Variants in TRMT9B observed in about 807,000 individuals in gnomAD.
TRMT9B encodes the protein probable tRNA methyltransferase 9B.
Under a neutral mutation model 11.5 loss-of-function variants are expected in TRMT9B, and 16 were observed. The ratio of observed to expected loss-of-function variants is 1.39; its 90% CI spans 0.94 to 2.11. TRMT9B has a LOEUF of 2.11. TRMT9B is among the 30% of genes most tolerant of loss of function. TRMT9B has a pLI of 0.00. For synonymous variants in TRMT9B, 274 were observed against 192.4 expected (o/e 1.42, Z -3.51); for missense variants, 941 against 553.8 (o/e 1.70, Z -7.02).
chr8:12,982,495 C>G (rs1281973404), intron 1 of TRMT9B, among the ~76,000 whole-genome samples: 1 of 152,086 alleles, frequency 6.6e-6, no homozygotes, highest in Non-Finnish European at 1.5e-5. Flanking sequence ...AACCCCGTCT[C>G]TACTAAAAAT....
At chr8:13,020,422 C>G (rs1230932837) in intron 4 of TRMT9B, among the ~76,000 whole-genome samples, 1 of 152,146 alleles carries the variant, frequency 6.6e-6, no homozygotes, top group Non-Finnish European at 1.5e-5. Flanking sequence ...ATGATGTATA[C>G]ATTGATTTTT....
intron 1 of TRMT9B, among the ~76,000 whole-genome samples, chr8:12,973,731 C>G (rs7009006): frequency 0.11 from 16,881 of 152,134 alleles, 941 homozygotes; most frequent in African/African-American, 0.12. Flanking sequence ...GGTGAAAGGA[C>G]TTCAGCCATA....
rs1814960692 is a variant in TRMT9B, at chr8:13,028,453, G to T, written c.*6409G>T. ...ATATTACCTCCACATTGAAAAACGA[G>T]TGAGTCACTGCAGTTAAGCCAGTGT... On this transcript the variant is annotated 3_prime_UTR_variant, in exon 5 of 5. Transcript: ENST00000524591. 2 of 166,996 alleles carry T rather than the reference G, an allele frequency of 1.2e-5. No individual in the cohort carries two copies. Among genetic ancestry groups the T allele is most frequent in the African/African-American group, 4.8e-5 (2 of 41,432 alleles). The allele number at this position is 166,996 out of a possible 1,614,324, so 10.3% of individuals were successfully genotyped here.
intron 1 of TRMT9B, among the ~76,000 whole-genome samples, chr8:12,972,115 T>G (rs1803730296): frequency 6.6e-6 from 1 of 152,124 alleles, no homozygotes; most frequent in Non-Finnish European, 1.5e-5. Context: ...TATAAGGAAT[T>G]GATTAGACAG....
At chr8:12,956,853 A>G (rs1010911976) in intron 1 of TRMT9B, among the ~76,000 whole-genome samples, 6 of 152,170 alleles carry the variant, frequency 3.9e-5, no homozygotes, top group African/African-American at 1.4e-4. Flanking sequence ...CTTTTTTTCC[A>G]AACTATTGAA....
At chr8:13,016,614 T>C (rs1812760782) in intron 4 of TRMT9B, among the ~76,000 whole-genome samples, 1 of 151,748 alleles carries the variant, frequency 6.6e-6, no homozygotes, top group African/African-American at 2.4e-5. Context: ...TTTATTGGCA[T>C]ATTAGAAAAA....
intron 2 of TRMT9B, among the ~76,000 whole-genome samples, chr8:12,997,764 TA>T (rs1808628013): frequency 6.6e-6 from 1 of 152,220 alleles, no homozygotes; most frequent in Non-Finnish European, 1.5e-5. Flanking sequence ...TATATACTTT[TA>T]AGAGTGGGGT....
At chr8:13,017,171 T>TA (rs907391864) in intron 4 of TRMT9B, among the ~76,000 whole-genome samples, 11 of 151,922 alleles carry the variant, frequency 7.2e-5, no homozygotes, top group Non-Finnish European at 1.2e-4. Flanking sequence ...TACTGATGTT[T>TA]AAAAAAAATC....
At chr8:12,991,423 TA>T (rs1283528272) in intron 2 of TRMT9B, among the ~76,000 whole-genome samples, 1 of 152,248 alleles carries the variant, frequency 6.6e-6, no homozygotes, top group Non-Finnish European at 1.5e-5. Flanking sequence ...AGGTCTTTTT[TA>T]TAATGTAAGT....
chr8:13,021,935 A>G lies in TRMT9B; in HGVS notation c.1256A>G (p.Glu419Gly), dbSNP rs754699832. 2 of 1,613,510 alleles carry G rather than the reference A, an allele frequency of 1.2e-6. No homozygotes were observed. Among genetic ancestry groups the G allele is most frequent in the Non-Finnish European group, 1.7e-6 (2 of 1,179,838 alleles). Residue 419 changes from glutamate (E) to glycine (G), a missense_variant, in exon 5 of 5, where the codon GAG (glutamate) becomes GGG (glycine). Transcript: ENST00000524591. Reference protein sequence around the residue: ...MRYYHVFREGELCSLLKENVS... With the variant: ...MRYYHVFREGGLCSLLKENVS... ...TACTACCATGTGTTTCGAGAAGGGGAGCTCTGCAGTCTGCTCAAGGAGAAT... is the reference window on the plus strand; with the variant it reads ...TACTACCATGTGTTTCGAGAAGGGGGGCTCTGCAGTCTGCTCAAGGAGAAT...
rs763311896 is a variant in TRMT9B at position 13,012,251 on chromosome 8, C to G, written c.155-433C>G. ...TTTGCTTTTGTGAATACCTTCACAC[C>G]ATGTTGTATTCTGTCTTGGTTAGTT... On this transcript the variant is annotated intron_variant, in intron 3 of 4. Transcript: ENST00000524591. 11 of 985,472 alleles carry G rather than the reference C, an allele frequency of 1.1e-5. No individual in the cohort carries two copies. In the African/African-American group the frequency reaches 1.6e-4, roughly 14 times the overall value. The allele number at this position is 985,472 out of a possible 1,614,324, so 61.0% of individuals were successfully genotyped here.
chr8:12,997,533 C>CTAA (rs753239647), intron 2 of TRMT9B, among the ~76,000 whole-genome samples: 5 of 152,122 alleles, frequency 3.3e-5, no homozygotes, highest in Non-Finnish European at 5.9e-5. Flanking sequence ...ACGAAATGGA[C>CTAA]TAATATAGGG....
At chr8:12,984,923 C>G (rs1378352614) in intron 1 of TRMT9B, among the ~76,000 whole-genome samples, 1 of 149,936 alleles carries the variant, frequency 6.7e-6, no homozygotes, top group South Asian at 2.1e-4. Flanking sequence ...CGAATTTTTG[C>G]ATTATCCTCT....
intron 4 of TRMT9B, among the ~76,000 whole-genome samples, chr8:13,013,072 C>G (rs1030631505): frequency 1.3e-5 from 2 of 152,166 alleles, no homozygotes; most frequent in South Asian, 2.1e-4. Flanking sequence ...AAACCTTCAA[C>G]TTGGTATTGC....
At position 13,027,259 on chromosome 8, in the gene TRMT9B, C is replaced by T. The variant is rs1814798271; in HGVS notation, c.*5215C>T. 6.0e-6 allele frequency: 1 copy of T among 167,004 alleles called. No homozygotes were observed. The highest frequency in any genetic ancestry group is 1.5e-5 in the Non-Finnish European group (1 of 68,128). The allele number at this position is 167,004 out of a possible 1,614,324, so 10.3% of individuals were successfully genotyped here. ...ATTAGAATTAACTGACCCACAGGTG[C>T]CAAGCTGAAACATTCTTCGTATTCC... On this transcript the variant is annotated 3_prime_UTR_variant, in exon 5 of 5. Coordinates refer to ENST00000524591, the MANE Select transcript of TRMT9B (RefSeq NM_020844.3).
intron 1 of TRMT9B, among the ~76,000 whole-genome samples, chr8:12,968,625 G>T (rs752240825): frequency 6.6e-6 from 1 of 152,166 alleles, no homozygotes; most frequent in Non-Finnish European, 1.5e-5. Context: ...GTGGACTCCA[G>T]GTTCAACTCC....
At chr8:12,958,511 A>C (rs978262232) in intron 1 of TRMT9B, 2 of 155,868 alleles carry the variant, frequency 1.3e-5, no homozygotes, top group African/African-American at 4.8e-5. Context: ...GGTAATTGAA[A>C]GAAACTACCT....
chr8:12,995,177 T>C (rs1808120285), intron 2 of TRMT9B, among the ~76,000 whole-genome samples: 2 of 152,340 alleles, frequency 1.3e-5, no homozygotes, highest in South Asian at 4.1e-4. Context: ...CTCTAGACTT[T>C]CTAGAGCAAG....
Position 13,021,379 on chromosome 8 carries a change from G to A in TRMT9B, c.700G>A (p.Glu234Lys), listed in dbSNP as rs780983223. The A allele has an allele frequency of 4.1e-5, 66 of 1,613,944 alleles. No homozygotes were observed. The highest frequency in any genetic ancestry group is 4.6e-5 in the Non-Finnish European group (54 of 1,179,910). ...TCFANISKEG[E>K]EEYGFYSTLG... is the part of the protein sequence containing the mutation. ...TTTTGCAAATATTTCTAAGGAAGGC[G>A]AGGAAGAATATGGATTTTACAGCAC... is the stretch of plus-strand genomic sequence containing the variant. Residue 234 changes from glutamate (E) to lysine (K), a missense_variant, in exon 5 of 5, where the codon GAG becomes AAG. By Grantham distance (56) the Glu-to-Lys change is moderately conservative. Transcript: ENST00000524591.
Sources: gnomAD v4.1 joint callset for allele counts (sites outside exome capture counted in the v4.1 genomes callset) on GRCh38, gnomAD v4.1.1 for gene constraint, MANE v1.5 for transcripts, NCBI Gene and HGNC (gene_info 2026-07-23, HGNC 2026-07-21) for gene names.